DYNC2I1: variants seen among roughly 807,000 people sequenced by gnomAD.
The protein encoded by DYNC2I1 is dynein 2 intermediate chain 1, also known as cytoplasmic dynein 2 intermediate chain 1.
DYNC2I1 carries 89 observed loss-of-function variants against 133.4 expected under a neutral mutation model. The observed-to-expected ratio is 0.67, with a 90% CI of 0.56 to 0.80. DYNC2I1 has a LOEUF of 0.80. Among genes scored for constraint, DYNC2I1 ranks in the 30% least tolerant of loss-of-function variants. DYNC2I1 has a pLI of 0.00. For missense variants in DYNC2I1, 1,291 were observed against 1,314.5 expected (o/e 0.98, Z 0.28); for synonymous variants, 504 against 484.3 (o/e 1.04, Z -0.54).
chr7:158,899,871 G>C (rs1212028402), intron 8 of DYNC2I1, among the ~76,000 whole-genome samples: 2 of 152,144 alleles, frequency 1.3e-5, no homozygotes, highest in Non-Finnish European at 2.9e-5. Flanking sequence ...TATCAGCAGT[G>C]TGAAAACGGA....
At chr7:158,891,400 G>C (rs1348716111) in intron 8 of DYNC2I1, 67 bp downstream of exon 8, 5 of 1,577,186 alleles carry the variant, frequency 3.2e-6, no homozygotes, top group Non-Finnish European at 4.4e-6. Context: ...ACATTTGCTT[G>C]CTTTCCTGTC....
At chr7:158,863,765 C>G (rs1269385896) in intron 1 of DYNC2I1, among the ~76,000 whole-genome samples, 1 of 49,526 alleles carries the variant, frequency 2.0e-5, no homozygotes, top group Non-Finnish European at 3.5e-5. Context: ...GGGGGACGTC[C>G]TTAGCTCCCG....
chr7:158,915,546 G>T (rs372596194), intron 14 of DYNC2I1, among the ~76,000 whole-genome samples: 1 of 83,734 alleles, frequency 1.2e-5, no homozygotes, highest in African/African-American at 4.8e-5. Context: ...TCGACACGGT[G>T]GTTGAGATTA....
At chr7:158,888,132 C>T (rs2129481102) in intron 7 of DYNC2I1, among the ~76,000 whole-genome samples, 1 of 145,188 alleles carries the variant, frequency 6.9e-6, no homozygotes, top group Middle Eastern at 3.7e-3. Context: ...TCAAGCGATT[C>T]TCCTGCCTCA....
intron 8 of DYNC2I1, among the ~76,000 whole-genome samples, chr7:158,894,410 T>G (rs1845581195): frequency 1.3e-5 from 2 of 152,256 alleles, no homozygotes; most frequent in South Asian, 4.1e-4. Flanking sequence ...TGAATCATTG[T>G]AAGTTGCAGA....
chr7:158,848,131 C>T, the DYNC2I1 span, among the ~76,000 whole-genome samples: 1 of 152,174 alleles, frequency 6.6e-6, no homozygotes, highest in Non-Finnish European at 1.5e-5. Context: ...TCCAATTGCA[C>T]AAGAGGTTAT....
intron 14 of DYNC2I1, among the ~76,000 whole-genome samples, chr7:158,917,789 C>G (rs996107056): frequency 6.6e-6 from 1 of 152,178 alleles, no homozygotes; most frequent in African/African-American, 2.4e-5. Flanking sequence ...CACTTCAAAT[C>G]TCCTGCCTTC....
intron 1 of DYNC2I1, among the ~76,000 whole-genome samples, chr7:158,863,628 G>A (rs867309865): frequency 3.6e-5 from 4 of 110,970 alleles, no homozygotes; most frequent in South Asian, 3.8e-4. Flanking sequence ...GGTGTGTTTG[G>A]GGGGGGCGGT....
chr7:158,883,439 G>A (rs753098765), intron 5 of DYNC2I1, among the ~76,000 whole-genome samples: 4 of 148,768 alleles, frequency 2.7e-5, no homozygotes, highest in Non-Finnish European at 4.5e-5. Context: ...GGCTGGCCTC[G>A]AGCTCCTGAC....
chr7:158,950,386 C>CGGG (rs879304489), downstream of DYNC2I1, among the ~76,000 whole-genome samples: 7,291 of 149,824 alleles, frequency 0.049, 1,586 homozygotes, highest in East Asian at 0.16. Flanking sequence ...GTGTGAGCAC[C>CGGG]AGGACCAGCC....
chr7:158,911,225 C>A (rs758940900), intron 11 of DYNC2I1, among the ~76,000 whole-genome samples: 18 of 152,186 alleles, frequency 1.2e-4, no homozygotes, highest in Non-Finnish European at 2.2e-4. Flanking sequence ...TCCTTAGGAA[C>A]ATCCCAGGCA....
At position 158,901,792 on chromosome 7, in the gene DYNC2I1, A is replaced by G. The variant is rs1353546702; in HGVS notation, c.1113A>G (p.Thr371=). The G allele has an allele frequency of 1.3e-5, 20 of 1,580,384 alleles. No individual in the cohort carries two copies. The highest frequency in any genetic ancestry group is 1.6e-5 in the Non-Finnish European group (19 of 1,163,016). The part of the protein sequence containing the change: ...DLENARADAY[T]ASCEDDFEDY... ...AAAATGCTAGAGCTGATGCATATAC[A>G]GCCAGTTGTGAAGATGATTTTGAAG... Residue 371 remains threonine, a synonymous_variant, in exon 9 of 25, where the codon ACA becomes ACG. Transcript: ENST00000407559.
At chr7:158,951,681 G>A (rs903418622) in intron 4 of DYNC2I1, among the ~76,000 whole-genome samples, 10 of 152,188 alleles carry the variant, frequency 6.6e-5, no homozygotes, top group South Asian at 4.1e-4. Flanking sequence ...GGTTCTTCCC[G>A]GGCTCCTCTG....
chr7:158,902,290 A>G, intron 9 of DYNC2I1, 86 bp from the exon 10 acceptor site: 2 of 1,093,218 alleles, frequency 1.8e-6, no homozygotes, highest in Non-Finnish European at 2.7e-6. Context: ...GTTTTAAGTT[A>G]TAAAGTGTCA....
At position 158,927,402 on chromosome 7, in the gene DYNC2I1, C is replaced by G. The variant is rs1468422945; in HGVS notation, c.2485+359C>G. Among the ~76,000 whole-genome samples the G allele has an allele frequency of 4.1e-5, 5 of 122,484 alleles. No individual in the cohort carries two copies. The East Asian group carries it at 9.8e-4, about 24-fold the overall frequency. The allele number at this position is 122,484 out of a possible 152,430, so 80.4% of individuals were successfully genotyped here. A position where few individuals can be genotyped will look rare whatever the true frequency, so the allele number is the denominator to read the frequency against. ...TGGGTGATGGAATGAGACCTTGTCT[C>G]TCTGTTAAAAAAAAAAAAAAGATAC... On this transcript the variant is annotated intron_variant, in intron 20 of 24. Coordinates refer to ENST00000407559, the MANE Select transcript of DYNC2I1 (RefSeq NM_018051.5).
Position 158,922,373 on chromosome 7 carries a change from C to T in DYNC2I1, c.1922-4C>T, listed in dbSNP as rs753109945. On this transcript the variant is annotated splice_region_variant and splice_polypyrimidine_tract_variant and intron_variant, in intron 15 of 24. Coordinates refer to ENST00000407559, the MANE Select transcript of DYNC2I1 (RefSeq NM_018051.5). ...AAATGTGAACATATTTTTCTTCTCCCTAGATCGAAAAGTATCCTCCTTGCA... is the reference window on the plus strand; with the variant it reads ...AAATGTGAACATATTTTTCTTCTCCTTAGATCGAAAAGTATCCTCCTTGCA... The T allele has an allele frequency of 6.8e-6, 11 of 1,612,062 alleles. No individual in the cohort carries two copies. In the Admixed American group the frequency reaches 8.4e-5, roughly 12 times the overall value.
rs201379330 is a variant in DYNC2I1 at position 158,879,688 on chromosome 7, A to G, written c.578A>G (p.Gln193Arg). ...TCAGCTTGTCGTGTTTTACAGCTGC[A>G]GTACGGAGACAGCAAGGACAACCCT... ...RERRYRERKL[Q>R]YGDSKDNPLK... Residue 193 changes from glutamine (Q) to arginine (R), a missense_variant, in exon 5 of 25, where the codon CAG becomes CGG. Coordinates refer to ENST00000407559, the MANE Select transcript of DYNC2I1 (RefSeq NM_018051.5). The G allele has an allele frequency of 1.5e-5, 23 of 1,574,782 alleles. No homozygotes were observed. The East Asian group carries it at 4.7e-4, about 32-fold the overall frequency.
intron 17 of DYNC2I1, among the ~76,000 whole-genome samples, chr7:158,925,052 G>A (rs957957064): frequency 6.6e-6 from 1 of 152,106 alleles, no homozygotes. Flanking sequence ...CACCGCACCC[G>A]GCCTTGTCTT....
rs528849716 is a variant in DYNC2I1, at chr7:158,891,128, C to T, written c.991-137C>T. ...CCAGGCTGGGACCTGCATCCCAGAGCGTTAGTTTCGTAGTCTGTGCACCTG... is the reference window on the plus strand; with the variant it reads ...CCAGGCTGGGACCTGCATCCCAGAGTGTTAGTTTCGTAGTCTGTGCACCTG... On this transcript the variant is annotated intron_variant, in intron 7 of 24. Coordinates refer to ENST00000407559, the MANE Select transcript of DYNC2I1 (RefSeq NM_018051.5). 4.2e-5 allele frequency: 36 copies of T among 862,032 alleles called. No homozygotes were observed. The Admixed American group carries it at 4.6e-4, about 11-fold the overall frequency. The allele number at this position is 862,032 out of a possible 1,614,324, so 53.4% of individuals were successfully genotyped here.
Sources: allele counts gnomAD v4.1 joint callset (sites outside exome capture counted in the v4.1 genomes callset), GRCh38; gene constraint gnomAD v4.1.1; transcripts MANE v1.5; gene names NCBI Gene and HGNC (gene_info 2026-07-23, HGNC 2026-07-21).